Variants in PGAP2 observed in about 807,000 individuals in gnomAD.
PGAP2 encodes the protein post-GPI attachment to proteins 2, also known as acyltransferase PGAP2.
Under a neutral mutation model 33.2 loss-of-function variants are expected in PGAP2, and 21 were observed. The ratio of observed to expected loss-of-function variants is 0.63; its 90% CI spans 0.45 to 0.91. PGAP2 has a LOEUF of 0.91. PGAP2 is among the 40% of genes least tolerant of loss of function. The pLI, the probability that PGAP2 is intolerant of heterozygous loss-of-function variation, is 0.00. For synonymous variants in PGAP2, 161 were observed against 172.9 expected (o/e 0.93, Z 0.54); for missense variants, 345 against 424.0 (o/e 0.81, Z 1.64).
chr11:3,806,187 G>A (rs553699958), upstream of PGAP2, among the ~76,000 whole-genome samples: 19 of 152,066 alleles, frequency 1.2e-4, no homozygotes, highest in East Asian at 3.7e-3. Context: ...GGTACTTAGG[G>A]CCAAGAGAAC....
In PGAP2 at chr11:3,819,483, A is replaced by G. The variant is rs549541617; in HGVS notation, c.348+1948A>G. Among the ~76,000 whole-genome samples, 9 of 152,068 alleles carry G rather than the reference A, an allele frequency of 5.9e-5. No individual in the cohort carries two copies. The East Asian group carries it at 1.7e-3, about 29-fold the overall frequency. On this transcript the variant is annotated intron_variant, in intron 3 of 6. Coordinates refer to ENST00000278243, the MANE Select transcript of PGAP2 (RefSeq NM_014489.4). ...CAAATGGAGTTTTTGTGCAGTTGGC[A>G]TGGGGCGGGGGACAGTACGGTAGCT...
chr11:3,803,046 T>C (rs1448023142), intron 1 of PGAP2, among the ~76,000 whole-genome samples: 8 of 148,764 alleles, frequency 5.4e-5, no homozygotes, highest in Non-Finnish European at 1.0e-4. Context: ...CAGGCTGGAG[T>C]GCAGTGGTGT....
At position 3,826,119 on chromosome 11, in the gene PGAP2, A is replaced by G. The variant is rs1028101260; in HGVS notation, c.*661A>G. ...GGTGGAGGTGGTGTTCTATACCTAA[A>G]GGATGACCTGCTCCAGAAACAGCAC... On this transcript the variant is annotated 3_prime_UTR_variant, in exon 7 of 7. Coordinates refer to ENST00000278243, the MANE Select transcript of PGAP2 (RefSeq NM_014489.4). 2.0e-5 allele frequency: 3 copies of G among 152,464 alleles called. No homozygotes were observed. Among genetic ancestry groups the G allele is most frequent in the African/African-American group, 7.2e-5 (3 of 41,554 alleles). The allele number at this position is 152,464 out of a possible 1,614,324, so 9.4% of individuals were successfully genotyped here. A position where few individuals can be genotyped will look rare whatever the true frequency, so the allele number is the denominator to read the frequency against.
At position 3,817,344 on chromosome 11, in the gene PGAP2, G is replaced by T. The variant is rs770064962; in HGVS notation, c.166-9G>T. ...CCAGGCCCCAAGTTGTATCCCTCGT[G>T]CTGCTTAGGCCACGCCCTGCAGGAT... On this transcript the variant is annotated splice_polypyrimidine_tract_variant and intron_variant, in intron 2 of 6. Transcript: ENST00000278243. 1.9e-6 allele frequency: 3 copies of T among 1,607,246 alleles called. No homozygotes were observed. The South Asian group carries it at 3.3e-5, about 18-fold the overall frequency.
At chr11:3,799,081 A>AT (rs1355663340) in intron 1 of PGAP2, among the ~76,000 whole-genome samples, 1 of 152,198 alleles carries the variant, frequency 6.6e-6, no homozygotes, top group African/African-American at 2.4e-5. Flanking sequence ...GTATCCTATT[A>AT]TTTACCCTCG....
chr11:3,817,910 C>T (rs1263198990), intron 3 of PGAP2: 1 of 459,772 alleles, frequency 2.2e-6, no homozygotes, highest in African/African-American at 2.0e-5. Context: ...GCTGGGTGCC[C>T]TGGCATGCCC....
intron 3 of PGAP2, among the ~76,000 whole-genome samples, chr11:3,822,192 G>A (rs909549053): frequency 7.2e-5 from 11 of 151,772 alleles, no homozygotes; most frequent in Non-Finnish European, 1.3e-4. Context: ...GTGAAACCCC[G>A]TCTCTACTAA....
upstream of PGAP2, chr11:3,808,551 G>A (rs993569618): frequency 2.2e-6 from 3 of 1,390,644 alleles, no homozygotes; most frequent in African/African-American, 1.5e-5. Flanking sequence ...CGCCGGCCCC[G>A]CCCCCGCCGT....
intron 1 of PGAP2, among the ~76,000 whole-genome samples, chr11:3,799,271 C>T (rs1032979190): frequency 5.9e-5 from 9 of 152,196 alleles, no homozygotes; most frequent in African/African-American, 2.2e-4. Context: ...GGGCTGGTGG[C>T]TCATGCCTGT....
rs771209213 is a variant in PGAP2 at position 3,824,084 on chromosome 11, G to A, written c.550G>A (p.Glu184Lys). 3.7e-6 allele frequency: 6 copies of A among 1,614,184 alleles called. No individual in the cohort carries two copies. In the South Asian group the frequency reaches 6.6e-5, roughly 18 times the overall value. ...CCTCAACTTCGGCCTCAATGTCGTG[G>A]AGAACCTCGCGTTGCTAGTGCTCAC... is the stretch of plus-strand genomic sequence containing the variant. The part of the protein sequence containing the change: ...CRLNFGLNVV[E>K]NLALLVLTYV... The change falls in exon 4 of 7, where the codon GAG becomes AAG. Residue 184 changes from glutamate (E) to lysine (K), a missense_variant. Glu to Lys is a moderately conservative substitution (Grantham distance 56, BLOSUM62 1). This residue lies in a region of PGAP2 where 311 missense variants were observed against 353.6 expected (regional missense o/e 0.88). Coordinates refer to ENST00000278243, the MANE Select transcript of PGAP2 (RefSeq NM_014489.4).
Position 3,809,509 on chromosome 11 carries a change from G to T in PGAP2, c.-11+858G>T, listed in dbSNP as rs552676106. On this transcript the variant is annotated intron_variant, in intron 1 of 6. Transcript: ENST00000278243. ...CTCATCAACTCCTGATTTGGGCAGT[G>T]CCTCTTCATTCCCTGAAGATCTAGT... Among the ~76,000 whole-genome samples the T allele has an allele frequency of 1.3e-3, 194 of 152,332 alleles. 1 individual carries two copies. Among genetic ancestry groups the T allele is most frequent in the African/African-American group, 4.2e-3 (175 of 41,586 alleles).
At chr11:3,817,249 C>A in intron 2 of PGAP2, 104 bp from the exon 3 acceptor site, 1 of 851,014 alleles carries the variant, frequency 1.2e-6, no homozygotes, top group Non-Finnish European at 1.9e-6. Flanking sequence ...CCTTTCTGCT[C>A]TGGCTTTTCC....
intron 2 of PGAP2, among the ~76,000 whole-genome samples, chr11:3,816,444 T>C (rs1005581824): frequency 6.6e-6 from 1 of 151,098 alleles, no homozygotes; most frequent in African/African-American, 2.4e-5. Flanking sequence ...TGAGGGGGAG[T>C]TGTCGGCCAG....
chr11:3,806,556 GA>G (rs2084378494), upstream of PGAP2, among the ~76,000 whole-genome samples: 1 of 152,114 alleles, frequency 6.6e-6, no homozygotes, highest in African/African-American at 2.4e-5. Context: ...GAACAAAAGT[GA>G]ACACATGAAA....
upstream of PGAP2, chr11:3,808,394 A>C: frequency 6.5e-7 from 1 of 1,548,114 alleles, no homozygotes; most frequent in South Asian, 1.2e-5. Context: ...ACGCAGCCGA[A>C]ATTAGTGGGG....
At chr11:3,799,555 C>T (rs4910818) in intron 1 of PGAP2, among the ~76,000 whole-genome samples, 133,365 of 152,252 alleles carry the variant, frequency 0.88, 58,474 homozygotes, top group Middle Eastern at 0.9. Flanking sequence ...CACCACTACT[C>T]CTTTGTGAGA....
rs747206866 is a variant in PGAP2, at chr11:3,824,023, C to T, written c.489C>T (p.Cys163=). ...CCTACTGGAACCACTACCTCAGCTG[C>T]ACCTCCCCGTGTTCCTGCTATCGCC... ...AFAYWNHYLS[C]TSPCSCYRPL... Residue 163 remains cysteine (C), a synonymous_variant, in exon 4 of 7, where the codon TGC becomes TGT. Transcript: ENST00000278243. The T allele has an allele frequency of 4.3e-6, 7 of 1,614,038 alleles. No individual in the cohort carries two copies. The East Asian group carries it at 6.7e-5, about 15-fold the overall frequency.
chr11:3,817,238 C>A, intron 2 of PGAP2, 115 bp from the exon 3 acceptor site: 1 of 780,040 alleles, frequency 1.3e-6, no homozygotes, highest in Middle Eastern at 3.9e-4. Flanking sequence ...GCCTTTTCTA[C>A]CCTTTCTGCT....
At chr11:3,824,405 A>G in intron 5 of PGAP2, 29 bp downstream of exon 5, 1 of 1,614,106 alleles carries the variant, frequency 6.2e-7, no homozygotes, top group South Asian at 1.1e-5. Flanking sequence ...GGGGGCTCCA[A>G]GGCAGCCCAG....
Sources: allele counts gnomAD v4.1 joint callset (sites outside exome capture counted in the v4.1 genomes callset), GRCh38; gene constraint gnomAD v4.1.1; regional missense constraint gnomAD v4.1.1; transcripts MANE v1.5; gene names NCBI Gene and HGNC (gene_info 2026-07-23, HGNC 2026-07-21).